The following CPED1 variants were observed in gnomAD, a reference collection of about 807,000 sequenced individuals.
The protein encoded by CPED1 is cadherin-like and PC-esterase domain-containing protein 1.
Under a neutral mutation model 128.2 loss-of-function variants are expected in CPED1, and 114 were observed. That is an observed-to-expected ratio of 0.89 (90% CI 0.76 to 1.04). The LOEUF is 1.04. Among genes scored for constraint, CPED1 ranks in the 50% least tolerant of loss-of-function variants. The pLI is 0.00. For missense variants in CPED1, 1,211 were observed against 1,207.1 expected (o/e 1.00, Z -0.05); for synonymous variants, 462 against 426.7 (o/e 1.08, Z -1.02).
rs1313624089 is a variant in CPED1 at position 121,194,509 on chromosome 7, AGACTAACG to A, written c.2056-42202_2056-42195del. 1.4e-4 allele frequency among the ~76,000 whole-genome samples: 21 copies of A among 152,266 alleles called. 1 individual carries two copies. Among genetic ancestry groups the A allele is most frequent in the Middle Eastern group, 6.8e-3 (2 of 294 alleles). The stretch of plus-strand genomic sequence containing the variant: ...GAGCATATATGATCTCCACATATCA[AGACTAACG>A]GATGATTATTTCATTTACCAGCTGT... On this transcript the variant is annotated intron_variant, in intron 16 of 22. Transcript: ENST00000310396.
intron 17 of CPED1, among the ~76,000 whole-genome samples, chr7:121,240,030 A>G (rs577682720): frequency 6.6e-6 from 1 of 152,308 alleles, no homozygotes; most frequent in East Asian, 1.9e-4. Flanking sequence ...ACAGATGCCT[A>G]TTTCAAGCAG....
intron 5 of CPED1, among the ~76,000 whole-genome samples, chr7:121,064,572 A>G (rs950390561): frequency 6.6e-6 from 1 of 152,128 alleles, no homozygotes; most frequent in South Asian, 2.1e-4. Flanking sequence ...TCTCCTTTCT[A>G]TTTGTTTTTA....
chr7:121,104,844 C>G (rs1008979831), intron 7 of CPED1, among the ~76,000 whole-genome samples: 1 of 152,072 alleles, frequency 6.6e-6, no homozygotes, highest in South Asian at 2.1e-4. Context: ...CTGCTATAAG[C>G]CAGCCACTCT....
At chr7:121,238,806 AAT>A (rs1405892951) in intron 17 of CPED1, among the ~76,000 whole-genome samples, 1 of 151,558 alleles carries the variant, frequency 6.6e-6, no homozygotes, top group Non-Finnish European at 1.5e-5. Context: ...GTGCACGAGC[AAT>A]ATGTTTTTAC....
chr7:121,198,762 T>TA (rs1320135354), intron 16 of CPED1, among the ~76,000 whole-genome samples: 4 of 152,154 alleles, frequency 2.6e-5, no homozygotes, highest in Non-Finnish European at 5.9e-5. Context: ...ATTTCACAAA[T>TA]ATGGCATGAC....
intron 16 of CPED1, among the ~76,000 whole-genome samples, chr7:121,159,338 T>C (rs1796360912): frequency 6.6e-6 from 1 of 152,112 alleles, no homozygotes; most frequent in African/African-American, 2.4e-5. Context: ...CCAGAATCTG[T>C]GAGTGGGGAG....
rs907927214 is a variant in CPED1 at position 121,236,621 on chromosome 7, G to T, written c.2056-93G>T. The T allele has an allele frequency of 1.8e-5, 12 of 654,260 alleles. No individual in the cohort carries two copies. In the South Asian group the frequency reaches 2.3e-4, roughly 12 times the overall value. 40.5% of individuals were successfully genotyped at this position (654,260 alleles called of 1,614,324 possible). A position where few individuals can be genotyped will look rare whatever the true frequency, so the allele number is the denominator to read the frequency against. On this transcript the variant is annotated intron_variant, in intron 16 of 22. Transcript: ENST00000310396. ...ATATTTGCTCCCTTTTATCCATAAA[G>T]GTTATTTGCCACATAAAGTCTTATT...
chr7:121,093,718 G>A (rs1048810494), intron 5 of CPED1, among the ~76,000 whole-genome samples: 7 of 152,080 alleles, frequency 4.6e-5, no homozygotes, highest in South Asian at 2.1e-4. Flanking sequence ...TCCTCTACCT[G>A]TAGCCATAGT....
At chr7:121,212,818 AC>A (rs1477402304) in intron 16 of CPED1, among the ~76,000 whole-genome samples, 1 of 152,098 alleles carries the variant, frequency 6.6e-6, no homozygotes, top group Non-Finnish European at 1.5e-5. Context: ...GATGACAGGC[AC>A]AAATATGTAA....
At chr7:121,060,187 G>T (rs1208574190) in intron 4 of CPED1, among the ~76,000 whole-genome samples, 3 of 152,326 alleles carry the variant, frequency 2.0e-5, no homozygotes, top group Admixed American at 2.0e-4. Context: ...ATTTCTCGCC[G>T]GACCTGCAGC....
chr7:121,142,732 A>C (rs1795934964), intron 16 of CPED1, among the ~76,000 whole-genome samples: 5 of 151,998 alleles, frequency 3.3e-5, no homozygotes, highest in Non-Finnish European at 5.9e-5. Flanking sequence ...CTTTTGTTCT[A>C]CGGTTTTTCC....
intron 16 of CPED1, among the ~76,000 whole-genome samples, chr7:121,233,710 AG>A (rs1798187195): frequency 6.6e-6 from 1 of 152,206 alleles, no homozygotes; most frequent in African/African-American, 2.4e-5. Flanking sequence ...ATCACTTTTA[AG>A]GTCTAAAGAA....
chr7:121,207,545 T>A (rs1797548902), intron 16 of CPED1, among the ~76,000 whole-genome samples: 2 of 152,040 alleles, frequency 1.3e-5, no homozygotes, highest in African/African-American at 2.4e-5. Flanking sequence ...GTTTTCGTAT[T>A]TCCAAGGAGG....
intron 2 of CPED1, among the ~76,000 whole-genome samples, chr7:121,004,986 G>A (rs1033762389): frequency 3.3e-5 from 5 of 152,102 alleles, no homozygotes; most frequent in African/African-American, 1.2e-4. Context: ...CTAGCACTGA[G>A]TTTTTATCAG....
chr7:121,114,917 G>T (rs529144071), intron 7 of CPED1, among the ~76,000 whole-genome samples: 2 of 152,252 alleles, frequency 1.3e-5, no homozygotes, highest in Non-Finnish European at 2.9e-5. Context: ...ATGCATAATC[G>T]TCTGTTGATT....
chr7:121,155,163 G>T (rs1236644948), intron 16 of CPED1, among the ~76,000 whole-genome samples: 5 of 152,038 alleles, frequency 3.3e-5, no homozygotes, highest in Non-Finnish European at 7.4e-5. Context: ...TCTAACTAAA[G>T]AAATGAAAGA....
intron 16 of CPED1, among the ~76,000 whole-genome samples, chr7:121,151,035 G>A (rs10276224): frequency 0.44 from 66,707 of 151,904 alleles, 15,948 homozygotes; most frequent in East Asian, 0.84. Context: ...CAAAGTGCTG[G>A]GATTACAGGC....
chr7:121,109,721 A>G (rs1795060549), intron 7 of CPED1, among the ~76,000 whole-genome samples: 1 of 152,184 alleles, frequency 6.6e-6, no homozygotes, highest in South Asian at 2.1e-4. Flanking sequence ...TGAAAGGTAT[A>G]AGAATTTTTC....
At chr7:121,206,381 C>T (rs768026132) in intron 16 of CPED1, among the ~76,000 whole-genome samples, 6 of 151,952 alleles carry the variant, frequency 3.9e-5, no homozygotes, top group South Asian at 2.1e-4. Context: ...TAATGGAACA[C>T]GCTACTGATC....
Sources: allele counts gnomAD v4.1 joint callset (sites outside exome capture counted in the v4.1 genomes callset), GRCh38; gene constraint gnomAD v4.1.1; transcripts MANE v1.5; gene names NCBI Gene and HGNC (gene_info 2026-07-23, HGNC 2026-07-21).